CDH9: variants seen among roughly 807,000 people sequenced by gnomAD.
The protein encoded by CDH9 is cadherin-9.
A neutral mutation model predicts 70.9 loss-of-function variants in CDH9; 28 were observed. The ratio of observed to expected loss-of-function variants is 0.40; its 90% CI spans 0.29 to 0.54. The LOEUF is 0.54. Ranked by LOEUF, CDH9 falls within the 20% of genes least tolerant of loss-of-function variation. The probability of loss-of-function intolerance (pLI) is 0.59; values close to 1 mark genes in which losing one functional copy is unlikely to be tolerated. For missense variants in CDH9, 874 were observed against 984.4 expected (o/e 0.89, Z 1.50); for synonymous variants, 409 against 343.1 (o/e 1.19, Z -2.12).
chr5:26,986,424 G>C (rs1035485581), intron 2 of CDH9, among the ~76,000 whole-genome samples: 2 of 152,102 alleles, frequency 1.3e-5, no homozygotes, highest in African/African-American at 4.8e-5. Context: ...TAAAAAGGAA[G>C]CATGATTGCA....
At chr5:26,995,044 T>A (rs560264448) in intron 1 of CDH9, among the ~76,000 whole-genome samples, 1 of 152,206 alleles carries the variant, frequency 6.6e-6, no homozygotes, top group Non-Finnish European at 1.5e-5. Flanking sequence ...GATTTACCAC[T>A]ACTTTTATTA....
chr5:26,939,709 A>G (rs1741625112), intron 2 of CDH9, among the ~76,000 whole-genome samples: 1 of 152,190 alleles, frequency 6.6e-6, no homozygotes, highest in South Asian at 2.1e-4. Flanking sequence ...AAAAACACAT[A>G]CTTCTAAGTA....
At chr5:26,955,858 A>G (rs1206277312) in intron 2 of CDH9, among the ~76,000 whole-genome samples, 1 of 152,200 alleles carries the variant, frequency 6.6e-6, no homozygotes, top group Non-Finnish European at 1.5e-5. Flanking sequence ...TGTTGATCAG[A>G]GGCAGACAGA....
rs1742659516 is a variant in CDH9 at position 26,996,013 on chromosome 5, G to C, written c.-49-7631C>G. 2.0e-5 allele frequency among the ~76,000 whole-genome samples: 3 copies of C among 151,960 alleles called. No homozygotes were observed. In the South Asian group the frequency reaches 6.2e-4, roughly 32 times the overall value. On this transcript the variant is annotated intron_variant, in intron 1 of 11. Transcript: ENST00000231021. The stretch of plus-strand genomic sequence containing the variant: ...ATTAAATATTTGTATGTCAAAAAAG[G>C]TGAATTACTGTAATTAAATAGGATT...
At chr5:26,952,634 CAAAAAAAAAA>C (rs35876875) in intron 2 of CDH9, among the ~76,000 whole-genome samples, 1,035 of 57,858 alleles carry the variant, frequency 0.018, 27 homozygotes, top group African/African-American at 0.063. Context: ...GACTCCGTCT[CAAAAAAAAAA>C]AAAAAAAAAA....
intron 1 of CDH9, among the ~76,000 whole-genome samples, chr5:27,035,432 C>T (rs150816899): frequency 6.6e-6 from 1 of 151,640 alleles, no homozygotes; most frequent in African/African-American, 2.4e-5. Flanking sequence ...TCTTAGGAAA[C>T]ATGTTTTATG....
chr5:26,932,059 T>A (rs1250827912), intron 2 of CDH9, among the ~76,000 whole-genome samples: 1 of 152,190 alleles, frequency 6.6e-6, no homozygotes, highest in Non-Finnish European at 1.5e-5. Context: ...TATTTGTATT[T>A]TCTAAATTCT....
chr5:26,907,579 AT>A (rs1323042251), intron 3 of CDH9, among the ~76,000 whole-genome samples: 2 of 152,132 alleles, frequency 1.3e-5, no homozygotes, highest in Admixed American at 6.5e-5. Flanking sequence ...ATATCATTAA[AT>A]TTAAATTATG....
intron 1 of CDH9, among the ~76,000 whole-genome samples, chr5:26,989,394 T>C (rs1337412655): frequency 6.6e-6 from 1 of 151,942 alleles, no homozygotes; most frequent in Admixed American, 6.6e-5. Context: ...GGTTATACAA[T>C]CAAATTAAGT....
chr5:27,019,234 T>A (rs764910594), intron 1 of CDH9, among the ~76,000 whole-genome samples: 4 of 151,966 alleles, frequency 2.6e-5, no homozygotes, highest in Non-Finnish European at 5.9e-5. Context: ...TAGATGTACA[T>A]CTCCTATTAC....
intron 2 of CDH9, among the ~76,000 whole-genome samples, chr5:26,952,772 C>G (rs904509844): frequency 1.0e-4 from 15 of 148,884 alleles, no homozygotes; most frequent in Admixed American, 1.3e-4. Flanking sequence ...GGTTAATGGA[C>G]AAATGGTGTA....
intron 1 of CDH9, among the ~76,000 whole-genome samples, chr5:27,003,588 G>A (rs1212102256): frequency 6.6e-6 from 1 of 151,970 alleles, no homozygotes; most frequent in Non-Finnish European, 1.5e-5. Context: ...AGACCCATGA[G>A]CTCAGTGAAA....
intron 1 of CDH9, among the ~76,000 whole-genome samples, chr5:27,026,009 G>C (rs1743214659): frequency 6.6e-6 from 1 of 151,766 alleles, no homozygotes; most frequent in Non-Finnish European, 1.5e-5. Flanking sequence ...TAAGTTTTTT[G>C]GACACTCACA....
intron 2 of CDH9, among the ~76,000 whole-genome samples, chr5:26,986,785 A>G (rs1023232199): frequency 6.6e-6 from 1 of 152,056 alleles, no homozygotes; most frequent in Admixed American, 6.6e-5. Context: ...TATTAACTGT[A>G]GTGTGAAAAG....
chr5:26,965,884 A>G (rs1246230241), intron 2 of CDH9, among the ~76,000 whole-genome samples: 1 of 152,176 alleles, frequency 6.6e-6, no homozygotes, highest in Non-Finnish European at 1.5e-5. Context: ...CTATGAAAAT[A>G]TAGAATAGAA....
intron 1 of CDH9, among the ~76,000 whole-genome samples, chr5:27,027,197 A>T (rs1016758838): frequency 7.2e-5 from 11 of 152,030 alleles, no homozygotes; most frequent in African/African-American, 2.4e-4. Context: ...TATGATATTG[A>T]GTATTCTATA....
At chr5:26,921,350 G>A (rs1032278904) in intron 2 of CDH9, among the ~76,000 whole-genome samples, 5 of 152,122 alleles carry the variant, frequency 3.3e-5, no homozygotes, top group African/African-American at 9.7e-5. Context: ...ACCAAGGCAC[G>A]ATAAGTATAG....
chr5:26,978,311 A>T (rs1236801312), intron 2 of CDH9, among the ~76,000 whole-genome samples: 1 of 151,962 alleles, frequency 6.6e-6, no homozygotes, highest in Non-Finnish European at 1.5e-5. Flanking sequence ...TTGGAAGTAC[A>T]TGGGAAATGC....
chr5:26,959,372 G>C (rs1272163829), intron 2 of CDH9, among the ~76,000 whole-genome samples: 1 of 152,098 alleles, frequency 6.6e-6, no homozygotes, highest in Non-Finnish European at 1.5e-5. Flanking sequence ...AGGCAAGGTT[G>C]TAGAGAAATT....
Sources: allele counts gnomAD v4.1 joint callset (sites outside exome capture counted in the v4.1 genomes callset), GRCh38; gene constraint gnomAD v4.1.1; transcripts MANE v1.5; gene names NCBI Gene and HGNC (gene_info 2026-07-23, HGNC 2026-07-21).